The following FYB2 variants were observed in gnomAD, a reference collection of about 807,000 sequenced individuals.
FYB2 encodes FYN binding protein 2, also known as FYN-binding protein 2.
In FYB2, 103 loss-of-function variants were observed where a neutral mutation model predicts 94.1. The observed-to-expected ratio is 1.09, with a 90% confidence interval of 0.93 to 1.29. FYB2 has a LOEUF of 1.29. Ranked by LOEUF, FYB2 falls within the 50% of genes most tolerant of loss-of-function variation. The pLI, the probability that FYB2 is intolerant of heterozygous loss-of-function variation, is 0.00. For missense variants in FYB2, 896 were observed against 841.5 expected (o/e 1.06, Z -0.80); for synonymous variants, 293 against 287.9 (o/e 1.02, Z -0.18).
chr1:56,791,035 C>T (rs987705830), intron 2 of FYB2, among the ~76,000 whole-genome samples: 86 of 152,012 alleles, frequency 5.7e-4, no homozygotes, highest in South Asian at 1.0e-3. Context: ...ATAAGTCAGA[C>T]ACAAAGCAGG....
intron 5 of FYB2, among the ~76,000 whole-genome samples, chr1:56,759,391 C>T (rs1449211096): frequency 6.6e-6 from 1 of 152,110 alleles, no homozygotes; most frequent in Non-Finnish European, 1.5e-5. Flanking sequence ...GACGGTATAG[C>T]CTACTACCTT....
chr1:56,771,801 G>C (rs1338192941), intron 4 of FYB2, among the ~76,000 whole-genome samples: 1 of 152,124 alleles, frequency 6.6e-6, no homozygotes, highest in African/African-American at 2.4e-5. Context: ...TATTCACATA[G>C]TTGTTAGACA....
At chr1:56,747,435 T>C (rs954673637) in intron 9 of FYB2, among the ~76,000 whole-genome samples, 2 of 151,912 alleles carry the variant, frequency 1.3e-5, no homozygotes, top group Non-Finnish European at 2.9e-5. Flanking sequence ...GGCCCCAGTA[T>C]GTGATGTTCC....
chr1:56,807,266 T>C (rs1646668701), intron 1 of FYB2, among the ~76,000 whole-genome samples: 1 of 152,236 alleles, frequency 6.6e-6, no homozygotes. Flanking sequence ...TGAGCCACTT[T>C]ATTGCTTTTA....
chr1:56,738,273 G>T (rs1175287218), intron 14 of FYB2, among the ~76,000 whole-genome samples: 1 of 152,076 alleles, frequency 6.6e-6, no homozygotes, highest in Non-Finnish European at 1.5e-5. Flanking sequence ...AAGGCAGTAT[G>T]GTAGAATGCA....
intron 15 of FYB2, among the ~76,000 whole-genome samples, chr1:56,735,906 C>A (rs146233240): frequency 6.6e-6 from 1 of 151,932 alleles, no homozygotes; most frequent in Non-Finnish European, 1.5e-5. Flanking sequence ...CATAGGATGA[C>A]TATAGTTAAC....
intron 9 of FYB2, among the ~76,000 whole-genome samples, chr1:56,745,619 A>C (rs1202897750): frequency 6.6e-6 from 1 of 151,980 alleles, no homozygotes; most frequent in Non-Finnish European, 1.5e-5. Context: ...TTTCTCACCT[A>C]AATTATTGCA....
At position 56,792,132 on chromosome 1, in the gene FYB2, G is replaced by C; in HGVS notation, c.681C>G (p.Asn227Lys). 6.2e-7 allele frequency: 1 copy of C among 1,613,824 alleles called. No homozygotes were observed. The highest frequency in any genetic ancestry group is 8.5e-7 in the Non-Finnish European group (1 of 1,179,922). The change falls in exon 2 of 20, where the codon AAC becomes AAG. Residue 227 changes from asparagine (N) to lysine (K), a missense_variant. By Grantham distance (94) the Asn-to-Lys change is moderately conservative (BLOSUM62 0). Transcript: ENST00000343433. ...TTGCCGGGCTCCTCTCAGGAGGTGG[G>C]TTTTCCCAGCTTTTTCTGATATGTT... ...ISQHIRKSWE[N>K]PPPERSPASS...
Position 56,753,872 on chromosome 1 carries a change from T to C in FYB2, c.1194A>G (p.Thr398=). 6.2e-7 allele frequency: 1 copy of C among 1,611,286 alleles called. No homozygotes were observed. Among genetic ancestry groups the C allele is most frequent in the Non-Finnish European group, 8.5e-7 (1 of 1,177,830 alleles). ...CATGGTTTGAATATGGTTCCTTTTC[T>C]GTGTTTTTAGGTTTCAATTCACATG... ...KQPCELKPKN[T]EKEPYSNHVF... The change falls in exon 8 of 20, where the codon ACA becomes ACG. Residue 398 remains threonine (T), a synonymous_variant. Coordinates refer to ENST00000343433, the MANE Select transcript of FYB2 (RefSeq NM_001004303.5).
At chr1:56,784,358 G>A (rs756124195) in intron 4 of FYB2, among the ~76,000 whole-genome samples, 12 of 152,088 alleles carry the variant, frequency 7.9e-5, no homozygotes, top group African/African-American at 2.4e-5. Flanking sequence ...TTGGCTACAT[G>A]AGATTATCAG....
At chr1:56,794,552 C>T (rs1646350456) in intron 1 of FYB2, among the ~76,000 whole-genome samples, 1 of 152,122 alleles carries the variant, frequency 6.6e-6, no homozygotes, top group Non-Finnish European at 1.5e-5. Context: ...CTCACACCTG[C>T]CTTCTGAAGA....
intron 15 of FYB2, among the ~76,000 whole-genome samples, chr1:56,728,882 G>A (rs1644641774): frequency 6.6e-6 from 1 of 152,094 alleles, no homozygotes; most frequent in Non-Finnish European, 1.5e-5. Flanking sequence ...TTTGTTCACT[G>A]CTCTATACCC....
At chr1:56,781,401 A>G (rs1646005491) in intron 4 of FYB2, among the ~76,000 whole-genome samples, 1 of 152,080 alleles carries the variant, frequency 6.6e-6, no homozygotes, top group East Asian at 1.9e-4. Flanking sequence ...TTCCAAACAA[A>G]TCTTTAATCC....
rs1290934854 is a variant in FYB2 at position 56,753,861 on chromosome 1, G to T, written c.1205C>A (p.Pro402Gln). Residue 402 changes from proline to glutamine, a missense_variant, in exon 8 of 20, where the codon CCA becomes CAA. Transcript: ENST00000343433. Reference sequence around the variant, plus strand: ...TACCTTGAAAACATGGTTTGAATATGGTTCCTTTTCTGTGTTTTTAGGTTT... The same window carrying T: ...TACCTTGAAAACATGGTTTGAATATTGTTCCTTTTCTGTGTTTTTAGGTTT... Reference protein sequence around the residue: ...ELKPKNTEKEPYSNHVFKVDA... With the variant: ...ELKPKNTEKEQYSNHVFKVDA... 3 of 1,609,372 alleles carry T rather than the reference G, an allele frequency of 1.9e-6. No individual in the cohort carries two copies. Among genetic ancestry groups the T allele is most frequent in the South Asian group, 1.1e-5 (1 of 90,984 alleles).
chr1:56,826,322 A>C, the FYB2 span, among the ~76,000 whole-genome samples: 1 of 152,280 alleles, frequency 6.6e-6, no homozygotes, highest in African/African-American at 2.4e-5. Context: ...TCCACCATGG[A>C]AAACATCCTC....
chr1:56,792,160 G>A lies in FYB2; in HGVS notation c.653C>T (p.Ser218Phe). ...TTCCCAGCTTTTTCTGATATGTTGA[G>A]AAATTACAAAAGAGGGATCTTCAGA... is the stretch of plus-strand genomic sequence containing the variant. ...NVSEDPSFVISQHIRKSWENP... is the reference protein window; with the variant it reads ...NVSEDPSFVIFQHIRKSWENP... The change falls in exon 2 of 20, where the codon TCT (serine) becomes TTT (phenylalanine). Residue 218 changes from serine (S) to phenylalanine (F), a missense_variant. Transcript: ENST00000343433. The A allele has an allele frequency of 3.3e-5, 53 of 1,614,030 alleles. No individual in the cohort carries two copies. The highest frequency in any genetic ancestry group is 4.3e-5 in the Non-Finnish European group (51 of 1,179,978).
chr1:56,811,141 G>A (rs531378332), intron 1 of FYB2, among the ~76,000 whole-genome samples: 6 of 152,226 alleles, frequency 3.9e-5, no homozygotes, highest in African/African-American at 1.4e-4. Context: ...GGTAGAATCA[G>A]AGAGGTCAAA....
At chr1:56,787,093 G>A (rs1646147745) in intron 4 of FYB2, 82 bp downstream of exon 4, 1 of 1,442,382 alleles carries the variant, frequency 6.9e-7, no homozygotes, top group Admixed American at 1.7e-5. Flanking sequence ...TTCTTGGTTT[G>A]TGCTAATTGC....
In FYB2 at chr1:56,816,326, T is replaced by G. The variant is rs144749116; in HGVS notation, c.9+2956A>C. ...ATGGCTAGAAGGCTAGGCTTAGCTG[T>G]AACTGTCAAGCAGAATGTCTACATC... On this transcript the variant is annotated intron_variant, in intron 1 of 19. Coordinates refer to ENST00000343433, the MANE Select transcript of FYB2 (RefSeq NM_001004303.5). Among the ~76,000 whole-genome samples the G allele has an allele frequency of 8.4e-3, 1,273 of 152,270 alleles. 5 individuals are homozygous for G. The highest frequency in any genetic ancestry group is 0.02 in the Middle Eastern group (6 of 294).
Sources: allele counts gnomAD v4.1 joint callset (sites outside exome capture counted in the v4.1 genomes callset), GRCh38; gene constraint gnomAD v4.1.1; transcripts MANE v1.5; gene names NCBI Gene and HGNC (gene_info 2026-07-23, HGNC 2026-07-21).